The following CLEC11A variants were observed in gnomAD, a reference collection of about 807,000 sequenced individuals.
CLEC11A encodes the protein C-type lectin domain family 11 member A.
CLEC11A carries 35 observed loss-of-function variants against 33.9 expected under a neutral mutation model. The ratio of observed to expected loss-of-function variants is 1.03; its 90% CI spans 0.79 to 1.37. CLEC11A has a LOEUF of 1.37. Among genes scored for constraint, CLEC11A ranks in the 40% most tolerant of loss-of-function variants. CLEC11A has a pLI of 0.00. For missense variants in CLEC11A, 519 were observed against 455.5 expected, an observed-to-expected ratio of 1.14 and a Z score of -1.27; for synonymous variants, 220 against 202.2, an observed-to-expected ratio of 1.09 and a Z score of -0.75.
chr19:50,725,096 C>T lies in CLEC11A; in HGVS notation c.601C>T (p.Gln201Ter). The T allele has an allele frequency of 1.3e-6, 2 of 1,525,146 alleles. No individual in the cohort carries two copies. The highest frequency in any genetic ancestry group is 1.8e-6 in the Non-Finnish European group (2 of 1,138,268). The allele number at this position is 1,525,146 out of a possible 1,614,324, so 94.5% of individuals were successfully genotyped here. A position where few individuals can be genotyped will look rare whatever the true frequency, so the allele number is the denominator to read the frequency against. Residue 201 changes from glutamine to a stop codon, truncating the protein, a stop_gained, in exon 4 of 4, where the codon CAG becomes TAG. Transcript: ENST00000250340. LOFTEE classifies it high-confidence loss of function. ...SRDFEAQAAA[Q>*]ARCTARGGSL... ...CGACTTCGAAGCTCAGGCGGCGGCG[C>T]AGGCGCGGTGCACGGCGCGGGGCGG...
rs774541209 is a variant in CLEC11A at position 50,725,434 on chromosome 19, G to T, written c.939G>T (p.Arg313=). The change falls in exon 4 of 4, where the codon CGG becomes CGT. Residue 313 remains arginine, a synonymous_variant. Coordinates refer to ENST00000250340, the MANE Select transcript of CLEC11A (RefSeq NM_002975.3). ...DGSWWDHDCQ[R]RLYYVCEFPF ...CCTGGTGGGACCACGACTGCCAGCG[G>T]CGTCTCTACTACGTCTGCGAGTTCC... 1 of 1,609,966 alleles carries T rather than the reference G, an allele frequency of 6.2e-7. No individual in the cohort carries two copies. The highest frequency in any genetic ancestry group is 1.3e-5 in the African/African-American group (1 of 74,850).
chr19:50,724,731 G>A lies in CLEC11A; in HGVS notation c.526+130G>A, dbSNP rs2089170028. ...GAGCTGCTGTGTGCTAGCGGACGGG[G>A]TTAGAGAGCTGGGAGGCTGAATGCA... On this transcript the variant is annotated intron_variant, in intron 3 of 3. Coordinates refer to ENST00000250340, the MANE Select transcript of CLEC11A (RefSeq NM_002975.3). This position sits in a 1 kb window ranked among gnomAD's most constrained non-coding sequence, Gnocchi z 4.1. The A allele has an allele frequency of 8.3e-7, 1 of 1,207,878 alleles. No individual in the cohort carries two copies. Among genetic ancestry groups the A allele is most frequent in the Non-Finnish European group, 1.1e-6 (1 of 917,042 alleles). 74.8% of individuals were successfully genotyped at this position (1,207,878 alleles called of 1,614,324 possible). A position where few individuals can be genotyped will look rare whatever the true frequency, so the allele number is the denominator to read the frequency against.
In CLEC11A at chr19:50,725,051, A is replaced by G. The variant is rs1239974505; in HGVS notation, c.556A>G (p.Lys186Glu). ...GCLKGLRLGHKCFLLSRDFEA... is the reference protein window; with the variant it reads ...GCLKGLRLGHECFLLSRDFEA... Reference sequence around the variant, plus strand: ...CCTGAAGGGGCTGCGCCTGGGCCACAAGTGCTTCCTGCTCTCGCGCGACTT... The same window carrying G: ...CCTGAAGGGGCTGCGCCTGGGCCACGAGTGCTTCCTGCTCTCGCGCGACTT... Residue 186 changes from lysine (K) to glutamate (E), a missense_variant, in exon 4 of 4, where the codon AAG (lysine) becomes GAG (glutamate). By Grantham distance (56) the Lys-to-Glu change is moderately conservative. Transcript: ENST00000250340. 9 of 1,513,970 alleles carry G rather than the reference A, an allele frequency of 5.9e-6. No individual in the cohort carries two copies. Among genetic ancestry groups the G allele is most frequent in the South Asian group, 1.3e-5 (1 of 78,372 alleles). 93.8% of individuals were successfully genotyped at this position (1,513,970 alleles called of 1,614,324 possible). A position where few individuals can be genotyped will look rare whatever the true frequency, so the allele number is the denominator to read the frequency against.
Position 50,724,729 on chromosome 19 carries a change from G to T in CLEC11A, c.526+128G>T. ...GAGAGCTGCTGTGTGCTAGCGGACG[G>T]GGTTAGAGAGCTGGGAGGCTGAATG... On this transcript the variant is annotated intron_variant, in intron 3 of 3. Coordinates refer to ENST00000250340, the MANE Select transcript of CLEC11A (RefSeq NM_002975.3). The surrounding 1 kb of genome is among the most constrained non-coding windows in gnomAD (Gnocchi z 4.1). The T allele has an allele frequency of 8.3e-7, 1 of 1,203,052 alleles. No homozygotes were observed. Among genetic ancestry groups the T allele is most frequent in the Non-Finnish European group, 1.1e-6 (1 of 913,218 alleles). The allele number at this position is 1,203,052 out of a possible 1,614,324, so 74.5% of individuals were successfully genotyped here. A position where few individuals can be genotyped will look rare whatever the true frequency, so the allele number is the denominator to read the frequency against.
rs1034347190 is a variant in CLEC11A, at chr19:50,724,215, C to G, written c.334+124C>G. On this transcript the variant is annotated intron_variant, in intron 2 of 3. Transcript: ENST00000250340. The surrounding 1 kb of genome is among the most constrained non-coding windows in gnomAD (Gnocchi z 4.1). ...TCCATTGCCCAGCCCAGAGCCCCCA[C>G]ACCCCTAGGAGCCCCAGGTCCACGG... 6.7e-7 allele frequency: 1 copy of G among 1,484,986 alleles called. No homozygotes were observed. Among genetic ancestry groups the G allele is most frequent in the Admixed American group, 2.2e-5 (1 of 46,474 alleles). The allele number at this position is 1,484,986 out of a possible 1,614,324, so 92.0% of individuals were successfully genotyped here.
chr19:50,725,354 C>T lies in CLEC11A; in HGVS notation c.859C>T (p.Gln287Ter), dbSNP rs1254874955. Residue 287 changes from glutamine to a stop codon, truncating the protein, a stop_gained, in exon 4 of 4, where the codon CAG (glutamine) becomes TAG (stop). Coordinates refer to ENST00000250340, the MANE Select transcript of CLEC11A (RefSeq NM_002975.3). LOFTEE classifies it high-confidence loss of function. ...CTCGCCGCATCCGCTCAGCCCGGAC[C>T]AGCCCAACGGTGGCACGCTCGAGAA... ...SASPHPLSPDQPNGGTLENCV... is the reference protein window; with the variant it reads ...SASPHPLSPD 10 of 1,612,196 alleles carry T rather than the reference C, an allele frequency of 6.2e-6. No individual in the cohort carries two copies. In the East Asian group the frequency reaches 2.0e-4, roughly 32 times the overall value.
In CLEC11A at chr19:50,725,200, C is replaced by T. The variant is rs1249967969; in HGVS notation, c.705C>T (p.Asn235=). 1 of 1,592,362 alleles carries T rather than the reference C, an allele frequency of 6.3e-7. No homozygotes were observed. Among genetic ancestry groups the T allele is most frequent in the Non-Finnish European group, 8.5e-7 (1 of 1,170,542 alleles). The change falls in exon 4 of 4, where the codon AAC becomes AAT. Residue 235 remains asparagine (N), a synonymous_variant. Coordinates refer to ENST00000250340, the MANE Select transcript of CLEC11A (RefSeq NM_002975.3). ...TGCGCGCGGCGCTCGCTCCCTACAA[C>T]TGGCCCGTGTGGCTGGGCGTGCACG... The part of the protein sequence containing the change: ...RYLRAALAPY[N]WPVWLGVHDR...
chr19:50,725,047 C>T lies in CLEC11A; in HGVS notation c.552C>T (p.Gly184=). 6.6e-7 allele frequency: 1 copy of T among 1,510,494 alleles called. No homozygotes were observed. The highest frequency in any genetic ancestry group is 8.8e-7 in the Non-Finnish European group (1 of 1,131,904). The allele number at this position is 1,510,494 out of a possible 1,614,324, so 93.6% of individuals were successfully genotyped here. A position where few individuals can be genotyped will look rare whatever the true frequency, so the allele number is the denominator to read the frequency against. The change falls in exon 4 of 4, where the codon GGC becomes GGT. Residue 184 remains glycine (G), a synonymous_variant. Coordinates refer to ENST00000250340, the MANE Select transcript of CLEC11A (RefSeq NM_002975.3). Reference sequence around the variant, plus strand: ...GCTGCCTGAAGGGGCTGCGCCTGGGCCACAAGTGCTTCCTGCTCTCGCGCG... The same window carrying T: ...GCTGCCTGAAGGGGCTGCGCCTGGGTCACAAGTGCTTCCTGCTCTCGCGCG... ...LEGCLKGLRL[G]HKCFLLSRDF...
Position 50,725,206 on chromosome 19 carries a change from C to A in CLEC11A, c.711C>A (p.Pro237=). 1 of 1,593,996 alleles carries A rather than the reference C, an allele frequency of 6.3e-7. No individual in the cohort carries two copies. Among genetic ancestry groups the A allele is most frequent in the East Asian group, 2.3e-5 (1 of 43,684 alleles). Residue 237 remains proline, a synonymous_variant, in exon 4 of 4, where the codon CCC becomes CCA. Coordinates refer to ENST00000250340, the MANE Select transcript of CLEC11A (RefSeq NM_002975.3). ...LRAALAPYNW[P]VWLGVHDRRA... is the part of the protein sequence containing the mutation. ...CGGCGCTCGCTCCCTACAACTGGCC[C>A]GTGTGGCTGGGCGTGCACGATCGGC... is the stretch of plus-strand genomic sequence containing the variant.
Position 50,723,545 on chromosome 19 carries a change from T to G in CLEC11A, c.20T>G (p.Leu7Trp). Residue 7 changes from leucine (L) to tryptophan (W), a missense_variant, in exon 1 of 4, where the codon TTG (leucine) becomes TGG (tryptophan). By Grantham distance (61) the Leu-to-Trp change is moderately conservative (BLOSUM62 -2). Transcript: ENST00000250340. This position sits in a 1 kb window ranked among gnomAD's most constrained non-coding sequence, Gnocchi z 4.1. MQAAWLLGALVVPQLLG... is the reference protein window; with the variant it reads MQAAWLWGALVVPQLLG... ...AGCTTAATGCAGGCAGCCTGGCTTT[T>G]GGGGGCTTTGGTGGTCCCCCAGCTC... is the stretch of plus-strand genomic sequence containing the variant. The G allele has an allele frequency of 1.2e-6, 2 of 1,612,276 alleles. No individual in the cohort carries two copies. Among genetic ancestry groups the G allele is most frequent in the Non-Finnish European group, 1.7e-6 (2 of 1,179,930 alleles).
chr19:50,723,434 C>A lies in CLEC11A; in HGVS notation c.-92C>A. On this transcript the variant is annotated 5_prime_UTR_variant, in exon 1 of 4. Transcript: ENST00000250340. The surrounding 1 kb of genome is among the most constrained non-coding windows in gnomAD (Gnocchi z 4.1). ...AACCTGGGGGCTAGTGACCTGCACA[C>A]AGGGCAGGGGCACTCGGCAGTTCCC... 2 of 1,376,946 alleles carry A rather than the reference C, an allele frequency of 1.5e-6. No homozygotes were observed. Among genetic ancestry groups the A allele is most frequent in the African/African-American group, 1.4e-5 (1 of 69,866 alleles). The allele number at this position is 1,376,946 out of a possible 1,614,324, so 85.3% of individuals were successfully genotyped here.
At position 50,725,158 on chromosome 19, in the gene CLEC11A, G is replaced by T; in HGVS notation, c.663G>T (p.Glu221Asp). ...AGCCGGCAGACCGCCAGCAGATGGA[G>T]GCGCTCACTCGGTACCTGCGCGCGG... is the stretch of plus-strand genomic sequence containing the variant. Reference protein sequence around the residue: ...LAQPADRQQMEALTRYLRAAL... With the variant: ...LAQPADRQQMDALTRYLRAAL... The change falls in exon 4 of 4, where the codon GAG becomes GAT. Residue 221 changes from glutamate to aspartate, a missense_variant. By Grantham distance (45) the Glu-to-Asp change is conservative. Transcript: ENST00000250340. 6.4e-7 allele frequency: 1 copy of T among 1,567,178 alleles called. No individual in the cohort carries two copies. The highest frequency in any genetic ancestry group is 8.6e-7 in the Non-Finnish European group (1 of 1,158,094).
In CLEC11A at chr19:50,723,985, G is replaced by A. The variant is rs1457655633; in HGVS notation, c.228G>A (p.Trp76Ter). Residue 76 changes from tryptophan to a stop codon, truncating the protein, a stop_gained, in exon 2 of 4, where the codon TGG becomes TGA. Coordinates refer to ENST00000250340, the MANE Select transcript of CLEC11A (RefSeq NM_002975.3). LOFTEE classifies it high-confidence loss of function. The surrounding 1 kb of genome is among the most constrained non-coding windows in gnomAD (Gnocchi z 4.1). ...PAGTVEGKED[W>*]EMEEDQGEEE... ...GAACTGTTGAGGGAAAAGAGGACTG[G>A]GAGATGGAGGAGGACCAGGGGGAGG... is the stretch of plus-strand genomic sequence containing the variant. 3.7e-6 allele frequency: 6 copies of A among 1,613,580 alleles called. No homozygotes were observed. The highest frequency in any genetic ancestry group is 1.7e-4 in the Middle Eastern group (1 of 6,052).
chr19:50,724,784 G>T lies in CLEC11A; in HGVS notation c.526+183G>T, dbSNP rs2089170701. Among the ~76,000 whole-genome samples, 1 of 151,994 alleles carries T rather than the reference G, an allele frequency of 6.6e-6. No individual in the cohort carries two copies. Among genetic ancestry groups the T allele is most frequent in the Non-Finnish European group, 1.5e-5 (1 of 67,966 alleles). On this transcript the variant is annotated intron_variant, in intron 3 of 3. Coordinates refer to ENST00000250340, the MANE Select transcript of CLEC11A (RefSeq NM_002975.3). This position sits in a 1 kb window ranked among gnomAD's most constrained non-coding sequence, Gnocchi z 4.1. ...GAGCGGGTGGGCACTCCAGACCCGCGCGGACCCGACTGGGGCAGCACCACG... is the reference window on the plus strand; with the variant it reads ...GAGCGGGTGGGCACTCCAGACCCGCTCGGACCCGACTGGGGCAGCACCACG...
chr19:50,724,290 G>A lies in CLEC11A; in HGVS notation c.335-120G>A, dbSNP rs974154047. The A allele has an allele frequency of 6.6e-6, 8 of 1,220,618 alleles. No individual in the cohort carries two copies. The highest frequency in any genetic ancestry group is 7.7e-6 in the Non-Finnish European group (7 of 905,418). The allele number at this position is 1,220,618 out of a possible 1,614,324, so 75.6% of individuals were successfully genotyped here. A position where few individuals can be genotyped will look rare whatever the true frequency, so the allele number is the denominator to read the frequency against. ...ACTCGACCCTACCTTCCAGGAGTCC[G>A]GGGTGCCCCCCCCACCGCCACCCCG... is the stretch of plus-strand genomic sequence containing the variant. On this transcript the variant is annotated intron_variant, in intron 2 of 3. Transcript: ENST00000250340. This position sits in a 1 kb window ranked among gnomAD's most constrained non-coding sequence, Gnocchi z 4.1.
Position 50,724,945 on chromosome 19 carries a change from C to G in CLEC11A, c.527-77C>G, listed in dbSNP as rs930349719. 3.3e-5 allele frequency: 47 copies of G among 1,418,454 alleles called. No homozygotes were observed. The highest frequency in any genetic ancestry group is 4.0e-5 in the Non-Finnish European group (43 of 1,088,408). The allele number at this position is 1,418,454 out of a possible 1,614,324, so 87.9% of individuals were successfully genotyped here. Reference sequence around the variant, plus strand: ...TCCTGGCCCCGCCTCCCTCCACCCCCGGATGTTTTGTCCTCGCCCCCTTCC... The same window carrying G: ...TCCTGGCCCCGCCTCCCTCCACCCCGGGATGTTTTGTCCTCGCCCCCTTCC... On this transcript the variant is annotated intron_variant, in intron 3 of 3. Coordinates refer to ENST00000250340, the MANE Select transcript of CLEC11A (RefSeq NM_002975.3). The surrounding 1 kb of genome is among the most constrained non-coding windows in gnomAD (Gnocchi z 4.1).
chr19:50,725,492 C>T lies in CLEC11A; in HGVS notation c.*25C>T. The T allele has an allele frequency of 6.5e-7, 1 of 1,545,118 alleles. No individual in the cohort carries two copies. The highest frequency in any genetic ancestry group is 8.8e-7 in the Non-Finnish European group (1 of 1,142,806). On this transcript the variant is annotated 3_prime_UTR_variant, in exon 4 of 4. Transcript: ENST00000250340. ...GCGGGGCCGGTACCCCGCCTCCCTGCCCATCCCACCACCCGGCCTTTCCCT... is the reference window on the plus strand; with the variant it reads ...GCGGGGCCGGTACCCCGCCTCCCTGTCCATCCCACCACCCGGCCTTTCCCT...
Position 50,724,332 on chromosome 19 carries a change from A to G in CLEC11A, c.335-78A>G, listed in dbSNP as rs1665579847. ...GCCACCCCGCCCTCAGGAGCCCTAG[A>G]TCCCAGTTCTCCAGGTCCTCAGGCC... On this transcript the variant is annotated intron_variant, in intron 2 of 3. Transcript: ENST00000250340. The surrounding 1 kb of genome is among the most constrained non-coding windows in gnomAD (Gnocchi z 4.1). 8.9e-7 allele frequency: 1 copy of G among 1,118,186 alleles called. No individual in the cohort carries two copies. Among genetic ancestry groups the G allele is most frequent in the Non-Finnish European group, 1.2e-6 (1 of 819,728 alleles). The allele number at this position is 1,118,186 out of a possible 1,614,324, so 69.3% of individuals were successfully genotyped here. A position where few individuals can be genotyped will look rare whatever the true frequency, so the allele number is the denominator to read the frequency against.
In CLEC11A at chr19:50,724,913, C is replaced by A. The variant is rs2089172142; in HGVS notation, c.527-109C>A. 4.2e-6 allele frequency: 6 copies of A among 1,415,358 alleles called. No individual in the cohort carries two copies. The South Asian group carries it at 9.2e-5, about 22-fold the overall frequency. 87.7% of individuals were successfully genotyped at this position (1,415,358 alleles called of 1,614,324 possible). ...GACCACGCCTCCTCCCAGCCCTCCC[C>A]ATGAGTTCCTGGCCCCGCCTCCCTC... On this transcript the variant is annotated intron_variant, in intron 3 of 3. Transcript: ENST00000250340. This position sits in a 1 kb window ranked among gnomAD's most constrained non-coding sequence, Gnocchi z 4.1.
Sources: allele counts gnomAD v4.1 joint callset (sites outside exome capture counted in the v4.1 genomes callset), GRCh38; gene constraint gnomAD v4.1.1; non-coding constraint Gnocchi (gnomAD v3.1); transcripts MANE v1.5; gene names NCBI Gene and HGNC (gene_info 2026-07-23, HGNC 2026-07-21).